The following SHE variants were observed in gnomAD, a reference collection of about 807,000 sequenced individuals.
SHE encodes SH2 domain-containing adapter protein E.
SHE carries 11 observed loss-of-function variants against 49.8 expected under a neutral mutation model. The ratio of observed to expected loss-of-function variants is 0.22; its 90% CI spans 0.14 to 0.37. The LOEUF (loss-of-function observed/expected upper bound fraction) is 0.37. Ranked by LOEUF, SHE falls within the 10% of genes least tolerant of loss-of-function variation. The pLI, the probability that SHE is intolerant of heterozygous loss-of-function variation, is 1.00. For missense variants in SHE, 624 were observed against 655.5 expected, an observed-to-expected ratio of 0.95 and a Z score of 0.52; for synonymous variants, 310 against 278.1, an observed-to-expected ratio of 1.11 and a Z score of -1.14.
At position 154,481,874 on chromosome 1, in the gene SHE, G is replaced by GA; in HGVS notation, c.*2274_*2275insT. On this transcript the variant is annotated 3_prime_UTR_variant, in exon 6 of 6. Transcript: ENST00000304760. ...TTTTGTTTGCTTGCTTGTTGAGACA[G>GA]GGTCTCACTCTGTCACTCAGGCTGG... 3.6e-6 allele frequency: 3 copies of GA among 837,818 alleles called. No individual in the cohort carries two copies. The highest frequency in any genetic ancestry group is 4.3e-6 in the Non-Finnish European group (3 of 695,364). The allele number at this position is 837,818 out of a possible 1,614,324, so 51.9% of individuals were successfully genotyped here.
intron 3 of SHE, among the ~76,000 whole-genome samples, chr1:154,487,477 T>C (rs1261231514): frequency 6.6e-6 from 1 of 151,418 alleles, no homozygotes; most frequent in Non-Finnish European, 1.5e-5. Flanking sequence ...CCATGACACC[T>C]AGGCTGGAGA....
rs1184111217 is a variant in SHE at position 154,481,326 on chromosome 1, TTTC to T, written c.*2820_*2822del. 5 of 985,356 alleles carry T rather than the reference TTTC, an allele frequency of 5.1e-6. No homozygotes were observed. Among genetic ancestry groups the T allele is most frequent in the African/African-American group, 1.7e-5 (1 of 57,252 alleles). The allele number at this position is 985,356 out of a possible 1,614,324, so 61.0% of individuals were successfully genotyped here. Reference sequence around the variant, plus strand: ...TCTGACTTCCCACTAATTTACTATATTTCTTCTTATAACCTCCTGTACAACTGT... The same window carrying T: ...TCTGACTTCCCACTAATTTACTATATTTCTTATAACCTCCTGTACAACTGT... On this transcript the variant is annotated 3_prime_UTR_variant, in exon 6 of 6. Transcript: ENST00000304760.
rs1298995896 is a variant in SHE at position 154,490,794 on chromosome 1, G to T, written c.719-1438C>A. Among the ~76,000 whole-genome samples, 8 of 145,136 alleles carry T rather than the reference G, an allele frequency of 5.5e-5. No homozygotes were observed. The East Asian group carries it at 1.6e-3, about 29-fold the overall frequency. ...GTATGTAAAACAAAACCATTATAAG[G>T]TTTTTTTTTTTTTCAGTGGGGAATA... On this transcript the variant is annotated intron_variant, in intron 2 of 5. Coordinates refer to ENST00000304760, the MANE Select transcript of SHE (RefSeq NM_001010846.3).
chr1:154,485,868 GT>G, intron 5 of SHE, 74 bp downstream of exon 5: 65 of 1,549,810 alleles, frequency 4.2e-5, no homozygotes, highest in Middle Eastern at 1.7e-4. Context: ...TTCACAGTAT[GT>G]TTTTTTTGAC....
downstream of SHE, among the ~76,000 whole-genome samples, chr1:154,476,941 C>G (rs1251233863): frequency 1.3e-5 from 2 of 152,186 alleles, no homozygotes; most frequent in African/African-American, 2.4e-5. Flanking sequence ...GTGATTCATA[C>G]TACATGATTC....
Position 154,489,432 on chromosome 1 carries a change from G to T in SHE, c.719-76C>A. 3 of 1,531,422 alleles carry T rather than the reference G, an allele frequency of 2.0e-6. No individual in the cohort carries two copies. The Admixed American group carries it at 5.8e-5, about 30-fold the overall frequency. 94.9% of individuals were successfully genotyped at this position (1,531,422 alleles called of 1,614,324 possible). The stretch of plus-strand genomic sequence containing the variant: ...GAAAGCAAAGATGCCATAAAAGCCT[G>T]GTCATTAACCCAACTGCCTCAGCAC... On this transcript the variant is annotated intron_variant, in intron 2 of 5. Coordinates refer to ENST00000304760, the MANE Select transcript of SHE (RefSeq NM_001010846.3).
rs1692284898 is a variant in SHE, at chr1:154,489,172, G to C, written c.903C>G (p.Pro301=). 1 of 1,614,030 alleles carries C rather than the reference G, an allele frequency of 6.2e-7. No individual in the cohort carries two copies. Among genetic ancestry groups the C allele is most frequent in the Admixed American group, 1.7e-5 (1 of 59,988 alleles). ...GGGGCCGCGCCTTCCCCTCTGCCCT[G>C]GGCCCCCCTTCTGCAGGCTCGTAGG... The part of the protein sequence containing the change: ...DTPYEPAEGG[P]RAEGKARPPD... The change falls in exon 3 of 6, where the codon CCC becomes CCG. Residue 301 remains proline (P), a synonymous_variant. Transcript: ENST00000304760.
chr1:154,500,234 T>C (rs1692663602), intron 1 of SHE, among the ~76,000 whole-genome samples: 1 of 152,204 alleles, frequency 6.6e-6, no homozygotes, highest in African/African-American at 2.4e-5. Context: ...TTTTCTTGAC[T>C]ACCCACCATG....
chr1:154,494,374 G>GTTTTTTT (rs779645667), intron 2 of SHE, among the ~76,000 whole-genome samples: 2 of 118,780 alleles, frequency 1.7e-5, no homozygotes, highest in Admixed American at 8.7e-5. Context: ...AGACATAACA[G>GTTTTTTT]TTTTTTTTTT....
intron 5 of SHE, 140 bp downstream of exon 5, chr1:154,485,803 C>T (rs1366344922): frequency 7.1e-6 from 7 of 983,358 alleles, no homozygotes; most frequent in Non-Finnish European, 1.0e-5. Flanking sequence ...TCTCATGTTC[C>T]ATTGTCCAAA....
At position 154,488,994 on chromosome 1, in the gene SHE, A is replaced by C. The variant is rs1008442239; in HGVS notation, c.1024+57T>G. The C allele has an allele frequency of 3.3e-6, 5 of 1,506,498 alleles. No individual in the cohort carries two copies. The African/African-American group carries it at 7.0e-5, about 21-fold the overall frequency. 93.3% of individuals were successfully genotyped at this position (1,506,498 alleles called of 1,614,324 possible). A position where few individuals can be genotyped will look rare whatever the true frequency, so the allele number is the denominator to read the frequency against. On this transcript the variant is annotated intron_variant, in intron 3 of 5. Transcript: ENST00000304760. Reference sequence around the variant, plus strand: ...AAGGAAAAAAACAAATGTGGGGCTGATGCGGTGGCCAGAAGACTGAAGTCA... The same window carrying C: ...AAGGAAAAAAACAAATGTGGGGCTGCTGCGGTGGCCAGAAGACTGAAGTCA...
At chr1:154,485,196 AAC>A (rs1692136601) in intron 5 of SHE, 1 of 152,204 alleles carries the variant, frequency 6.6e-6, no homozygotes, top group African/African-American at 2.4e-5. Flanking sequence ...CAATTTCAGG[AAC>A]ACAGTCGAGC....
In SHE at chr1:154,480,192, T is replaced by G. The variant is rs1322151850; in HGVS notation, c.*3957A>C. On this transcript the variant is annotated 3_prime_UTR_variant, in exon 6 of 6. Transcript: ENST00000304760. The stretch of plus-strand genomic sequence containing the variant: ...CATAAGGCCAAACTAGTGCTAGTTA[T>G]GGAAAAATAGGAGACAACTAGTGAA... The G allele has an allele frequency of 2.1e-5, 21 of 985,396 alleles. No individual in the cohort carries two copies. The highest frequency in any genetic ancestry group is 2.5e-5 in the Non-Finnish European group (21 of 829,922). The allele number at this position is 985,396 out of a possible 1,614,324, so 61.0% of individuals were successfully genotyped here. A position where few individuals can be genotyped will look rare whatever the true frequency, so the allele number is the denominator to read the frequency against.
intron 1 of SHE, among the ~76,000 whole-genome samples, chr1:154,471,642 T>C (rs1691745536): frequency 6.6e-6 from 1 of 152,044 alleles, no homozygotes; most frequent in African/African-American, 2.4e-5. Flanking sequence ...CAGTTTTTGA[T>C]GACAATCCAC....
Position 154,481,872 on chromosome 1 carries a change from C to CCCTGTCTCAACA in SHE, c.*2276_*2277insTGTTGAGACAGG. On this transcript the variant is annotated 3_prime_UTR_variant, in exon 6 of 6. Transcript: ENST00000304760. ...TTTTTTGTTTGCTTGCTTGTTGAGA[C>CCCTGTCTCAACA]AGGGTCTCACTCTGTCACTCAGGCT... 2.3e-6 allele frequency: 2 copies of CCCTGTCTCAACA among 856,524 alleles called. No individual in the cohort carries two copies. Among genetic ancestry groups the CCCTGTCTCAACA allele is most frequent in the Non-Finnish European group, 2.8e-6 (2 of 712,448 alleles). 53.1% of individuals were successfully genotyped at this position (856,524 alleles called of 1,614,324 possible).
chr1:154,486,827 C>G, intron 3 of SHE, 144 bp from the exon 4 acceptor site: 2 of 852,148 alleles, frequency 2.3e-6, no homozygotes, highest in African/African-American at 3.4e-5. Context: ...TGCAAAATAC[C>G]CTGGCTAGCT....
At chr1:154,500,258 C>T (rs1263293519) in intron 1 of SHE, among the ~76,000 whole-genome samples, 1 of 152,212 alleles carries the variant, frequency 6.6e-6, no homozygotes, top group African/African-American at 2.4e-5. Flanking sequence ...ACCGCATTTG[C>T]AAGATACAGT....
At chr1:154,494,532 T>G (rs558568941) in intron 2 of SHE, among the ~76,000 whole-genome samples, 2 of 151,270 alleles carry the variant, frequency 1.3e-5, no homozygotes, top group African/African-American at 4.8e-5. Context: ...TTATAGTTTT[T>G]TTTTTTTTTT....
chr1:154,479,542 T>G lies in SHE; in HGVS notation c.*4607A>C. ...AGAGGAAACTATCTTCAGGAGGGCATGAAGCCTATATTGGCTACTGCAAAA... is the reference window on the plus strand; with the variant it reads ...AGAGGAAACTATCTTCAGGAGGGCAGGAAGCCTATATTGGCTACTGCAAAA... On this transcript the variant is annotated 3_prime_UTR_variant, in exon 6 of 6. Coordinates refer to ENST00000304760, the MANE Select transcript of SHE (RefSeq NM_001010846.3). 1 of 985,234 alleles carries G rather than the reference T, an allele frequency of 1.0e-6. No individual in the cohort carries two copies. The highest frequency in any genetic ancestry group is 1.2e-6 in the Non-Finnish European group (1 of 829,716). 61.0% of individuals were successfully genotyped at this position (985,234 alleles called of 1,614,324 possible). A position where few individuals can be genotyped will look rare whatever the true frequency, so the allele number is the denominator to read the frequency against.
Sources: gnomAD v4.1 joint callset for allele counts (sites outside exome capture counted in the v4.1 genomes callset) on GRCh38, gnomAD v4.1.1 for gene constraint, MANE v1.5 for transcripts, NCBI Gene and HGNC (gene_info 2026-07-23, HGNC 2026-07-21) for gene names.